Variants in CEP128 observed in about 807,000 individuals in gnomAD.
CEP128 encodes the protein centrosomal protein 128kDa.
A neutral mutation model predicts 156.7 loss-of-function variants in CEP128; 132 were observed. That is an observed-to-expected ratio of 0.84 (90% CI 0.73 to 0.97). The LOEUF is 0.97. CEP128 is among the 50% of genes least tolerant of loss of function. The pLI is 0.00. For missense variants in CEP128, 1,252 were observed against 1,281.9 expected, an observed-to-expected ratio of 0.98 and a Z score of 0.36; for synonymous variants, 469 against 448.9, an observed-to-expected ratio of 1.04 and a Z score of -0.57.
rs115569503 is a variant in CEP128, at chr14:80,869,628, A to G, written c.646-6755T>C. Among the ~76,000 whole-genome samples the G allele has an allele frequency of 5.9e-3, 891 of 152,156 alleles. 18 individuals are homozygous for G. Among genetic ancestry groups the G allele is most frequent in the African/African-American group, 0.021 (855 of 41,560 alleles). On this transcript the variant is annotated intron_variant, in intron 8 of 24. Transcript: ENST00000555265. ...GCAAAAATAAATGAAATAGACTAGAAAAACAATAGAAAAGATCCATGAAAC... is the reference window on the plus strand; with the variant it reads ...GCAAAAATAAATGAAATAGACTAGAGAAACAATAGAAAAGATCCATGAAAC...
intron 9 of CEP128, among the ~76,000 whole-genome samples, chr14:80,851,899 G>A (rs1310534260): frequency 6.6e-6 from 1 of 151,774 alleles, no homozygotes; most frequent in Non-Finnish European, 1.5e-5. Context: ...TTAAATAATT[G>A]ACCAAGAAGT....
downstream of CEP128, among the ~76,000 whole-genome samples, chr14:80,489,285 A>G (rs2140156821): frequency 6.6e-6 from 1 of 151,510 alleles, no homozygotes; most frequent in African/African-American, 2.4e-5. Context: ...AAAAAAAAAA[A>G]AAAAGTCACA....
intron 19 of CEP128, among the ~76,000 whole-genome samples, chr14:80,721,527 G>A (rs1897816344): frequency 6.6e-6 from 1 of 152,118 alleles, no homozygotes; most frequent in Non-Finnish European, 1.5e-5. Context: ...ATATGTTGAA[G>A]TGATCATATT....
In CEP128 at chr14:80,588,944, A is replaced by T. The variant is rs185691431; in HGVS notation, c.2807-8521T>A. On this transcript the variant is annotated intron_variant, in intron 19 of 24. Coordinates refer to ENST00000555265, the MANE Select transcript of CEP128 (RefSeq NM_152446.5). The stretch of plus-strand genomic sequence containing the variant: ...AACACATTGAGTGTTATCTCACTTC[A>T]TGAAGTAGCCATGAGGAAGAAAATG... Among the ~76,000 whole-genome samples the T allele has an allele frequency of 3.5e-3, 539 of 152,254 alleles. 6 individuals are homozygous for T. The highest frequency in any genetic ancestry group is 3.2e-3 in the Non-Finnish European group (216 of 67,962).
At chr14:80,822,284 G>C (rs1885228387) in intron 13 of CEP128, among the ~76,000 whole-genome samples, 2 of 152,160 alleles carry the variant, frequency 1.3e-5, no homozygotes, top group Admixed American at 6.5e-5. Flanking sequence ...AAGCAAGTTA[G>C]TTACTTCCTA....
chr14:80,612,725 C>T (rs920352027), intron 19 of CEP128, among the ~76,000 whole-genome samples: 5 of 152,300 alleles, frequency 3.3e-5, no homozygotes, highest in Non-Finnish European at 4.4e-5. Flanking sequence ...CTGAGTTGTA[C>T]TTGACAATAT....
At position 80,936,133 on chromosome 14, in the gene CEP128, T is replaced by C. The variant is rs8016081; in HGVS notation, c.-16+3252A>G. On this transcript the variant is annotated intron_variant, in intron 2 of 24. Transcript: ENST00000555265. ...GAAGTACAGAATTAAAGCTCATCCA[T>C]TCATTCATGAGCACATTCGTTCACA... Among the ~76,000 whole-genome samples the C allele has an allele frequency of 7.1e-3, 1,074 of 152,324 alleles. 14 individuals carry two copies. Among genetic ancestry groups the C allele is most frequent in the African/African-American group, 0.025 (1,034 of 41,562 alleles).
intron 21 of CEP128, among the ~76,000 whole-genome samples, chr14:80,553,067 C>T (rs1890275285): frequency 2.1e-5 from 2 of 96,006 alleles, no homozygotes; most frequent in Non-Finnish European, 4.0e-5. Flanking sequence ...TTTCGGTTTT[C>T]TTTCTTTCTT....
At chr14:80,950,793 C>G (rs943350093) in intron 2 of CEP128, among the ~76,000 whole-genome samples, 2 of 151,014 alleles carry the variant, frequency 1.3e-5, no homozygotes, top group African/African-American at 4.9e-5. Context: ...ACACACAAAT[C>G]CAAGAATCTC....
intron 21 of CEP128, among the ~76,000 whole-genome samples, chr14:80,553,697 T>G (rs1372123511): frequency 6.6e-6 from 1 of 152,212 alleles, no homozygotes; most frequent in Non-Finnish European, 1.5e-5. Context: ...TTTGTTACTT[T>G]TGCATGGGTA....
chr14:80,714,259 C>T (rs953071712), intron 19 of CEP128, among the ~76,000 whole-genome samples: 7 of 151,950 alleles, frequency 4.6e-5, no homozygotes, highest in African/African-American at 1.7e-4. Context: ...TTAAAATTTC[C>T]TCATGAGTCC....
intron 15 of CEP128, among the ~76,000 whole-genome samples, chr14:80,780,578 G>A (rs1045572365): frequency 1.3e-5 from 2 of 151,872 alleles, no homozygotes; most frequent in Non-Finnish European, 2.9e-5. Flanking sequence ...AAGATCCGCA[G>A]AATGCTTATA....
At chr14:80,538,876 C>T (rs1594967605) in intron 21 of CEP128, among the ~76,000 whole-genome samples, 1 of 152,184 alleles carries the variant, frequency 6.6e-6, no homozygotes, top group African/African-American at 2.4e-5. Flanking sequence ...ATGAGCCTCA[C>T]ATTGGCAACA....
At chr14:80,768,300 T>G (rs902403567) in intron 16 of CEP128, among the ~76,000 whole-genome samples, 1 of 152,178 alleles carries the variant, frequency 6.6e-6, no homozygotes, top group Non-Finnish European at 1.5e-5. Context: ...GTGAGAGCCC[T>G]GGAAGTGGTA....
chr14:80,752,298 C>T (rs1254258747), intron 18 of CEP128, among the ~76,000 whole-genome samples: 10 of 152,034 alleles, frequency 6.6e-5, no homozygotes, highest in Non-Finnish European at 1.5e-4. Flanking sequence ...GGTCAGCCAT[C>T]TAAACAAGAA....
chr14:80,906,104 T>A (rs766079194), intron 4 of CEP128, 23 bp from the exon 5 acceptor site: 2 of 1,538,484 alleles, frequency 1.3e-6, no homozygotes, highest in South Asian at 2.5e-5. Context: ...ATATAATGAA[T>A]GAAGCGTTAT....
At chr14:80,678,821 A>C (rs551574247) in intron 19 of CEP128, among the ~76,000 whole-genome samples, 2 of 152,260 alleles carry the variant, frequency 1.3e-5, no homozygotes, top group Admixed American at 1.3e-4. Flanking sequence ...TGCAATTTTT[A>C]ATTTGGGTCC....
intron 23 of CEP128, chr14:80,514,548 T>C (rs1888402004): frequency 4.8e-6 from 1 of 206,296 alleles, no homozygotes; most frequent in East Asian, 1.2e-4. Flanking sequence ...ATTTTTTAGC[T>C]CCAAAATTTC....
At chr14:80,678,879 G>A (rs377027904) in intron 19 of CEP128, among the ~76,000 whole-genome samples, 18 of 152,296 alleles carry the variant, frequency 1.2e-4, no homozygotes, top group East Asian at 7.7e-4. Context: ...GGCTGGAACC[G>A]TGGCAGAGGA....
Sources: gnomAD v4.1 joint callset for allele counts (sites outside exome capture counted in the v4.1 genomes callset) on GRCh38, gnomAD v4.1.1 for gene constraint, MANE v1.5 for transcripts, NCBI Gene and HGNC (gene_info 2026-07-23, HGNC 2026-07-21) for gene names.